The following SLCO3A1 variants were observed in gnomAD, a reference collection of about 807,000 sequenced individuals.
The protein encoded by SLCO3A1 is solute carrier organic anion transporter family member 3A1.
Under a neutral mutation model 63.1 loss-of-function variants are expected in SLCO3A1, and 27 were observed. The observed-to-expected ratio is 0.43, with a 90% CI of 0.32 to 0.59. The LOEUF (loss-of-function observed/expected upper bound fraction) is 0.59, where lower values mean the gene tolerates loss of function less well. Among genes scored for constraint, SLCO3A1 ranks in the 20% least tolerant of loss-of-function variants. SLCO3A1 has a pLI of 0.09. For synonymous variants in SLCO3A1, 473 were observed against 409.9 expected, an observed-to-expected ratio of 1.15 and a Z score of -1.86; for missense variants, 773 against 945.8, an observed-to-expected ratio of 0.82 and a Z score of 2.40.
intron 1 of SLCO3A1, among the ~76,000 whole-genome samples, chr15:91,913,905 C>T (rs1443509406): frequency 6.6e-6 from 1 of 152,218 alleles, no homozygotes; most frequent in East Asian, 1.9e-4. Flanking sequence ...AGTGTGTTGA[C>T]GTGGCCTTTT....
chr15:91,976,950 C>T (rs113509639), intron 2 of SLCO3A1, among the ~76,000 whole-genome samples: 10,969 of 152,164 alleles, frequency 0.072, 1,038 homozygotes, highest in African/African-American at 0.22. Context: ...TCAGGCACCA[C>T]TGTCATTGAG....
At chr15:91,914,196 C>T (rs954107338) in intron 1 of SLCO3A1, among the ~76,000 whole-genome samples, 63 of 152,204 alleles carry the variant, frequency 4.1e-4, no homozygotes, top group African/African-American at 1.5e-3. Flanking sequence ...CAGCCAGAGT[C>T]AGGATGGACC....
chr15:91,999,692 C>T (rs769527702), intron 2 of SLCO3A1, among the ~76,000 whole-genome samples: 7 of 152,050 alleles, frequency 4.6e-5, no homozygotes, highest in Non-Finnish European at 1.0e-4. Flanking sequence ...CTCGGGAGGC[C>T]GAGGCAGGAG....
chr15:91,880,170 C>CATCTATCTATCTATCTATCT lies in SLCO3A1; in HGVS notation c.180+26090_180+26109dup, dbSNP rs57860021. Among the ~76,000 whole-genome samples, 846 of 126,138 alleles carry CATCTATCTATCTATCTATCT rather than the reference C, an allele frequency of 6.7e-3. 20 individuals are homozygous for CATCTATCTATCTATCTATCT. The highest frequency in any genetic ancestry group is 0.037 in the Admixed American group (447 of 12,078). 82.8% of individuals were successfully genotyped at this position (126,138 alleles called of 152,430 possible). A position where few individuals can be genotyped will look rare whatever the true frequency, so the allele number is the denominator to read the frequency against. On this transcript the variant is annotated intron_variant, in intron 1 of 9. Transcript: ENST00000318445. ...CCATCCATCCATCCATCCATCCATC[C>CATCTATCTATCTATCTATCT]ATCTATCTATCTATCTATCTATCTA...
intron 2 of SLCO3A1, among the ~76,000 whole-genome samples, chr15:92,055,758 G>A (rs761465296): frequency 1.1e-4 from 17 of 152,052 alleles, no homozygotes; most frequent in Non-Finnish European, 1.9e-4. Flanking sequence ...CCAGCATCCC[G>A]CCATCTTGAA....
At chr15:91,943,669 C>T (rs1005186145) in intron 2 of SLCO3A1, among the ~76,000 whole-genome samples, 2 of 152,172 alleles carry the variant, frequency 1.3e-5, no homozygotes, top group Admixed American at 6.5e-5. Flanking sequence ...TACTGTTTTT[C>T]ATACCCAGTG....
intron 2 of SLCO3A1, among the ~76,000 whole-genome samples, chr15:91,971,166 C>T (rs1191484534): frequency 1.3e-5 from 2 of 151,852 alleles, no homozygotes; most frequent in African/African-American, 4.8e-5. Context: ...GAGGCCGAGG[C>T]GGGCGGATCA....
At chr15:92,034,063 A>G (rs1463473054) in intron 2 of SLCO3A1, among the ~76,000 whole-genome samples, 1 of 151,818 alleles carries the variant, frequency 6.6e-6, no homozygotes, top group Admixed American at 6.6e-5. Context: ...AAGCCATTGC[A>G]GGGTGCTGAG....
chr15:92,013,323 G>T (rs1220509102), intron 2 of SLCO3A1, among the ~76,000 whole-genome samples: 1 of 152,226 alleles, frequency 6.6e-6, no homozygotes, highest in Non-Finnish European at 1.5e-5. Flanking sequence ...GTTGAGGCTT[G>T]GTTTGAGTCA....
rs1018798339 is a variant in SLCO3A1 at position 92,164,344 on chromosome 15, T to C, written c.*1209T>C. On this transcript the variant is annotated 3_prime_UTR_variant, in exon 10 of 10. Transcript: ENST00000318445. ...AAAAATGCTTCAAAAAGAGAGTGTA[T>C]ATGCAGCCTGCCTTTAAAAGAATCA... 1.0e-6 allele frequency: 1 copy of C among 985,224 alleles called. No homozygotes were observed. The highest frequency in any genetic ancestry group is 1.7e-5 in the African/African-American group (1 of 57,246). The allele number at this position is 985,224 out of a possible 1,614,324, so 61.0% of individuals were successfully genotyped here.
chr15:92,067,341 C>T (rs927734639), intron 2 of SLCO3A1, among the ~76,000 whole-genome samples: 1 of 152,240 alleles, frequency 6.6e-6, no homozygotes, highest in Non-Finnish European at 1.5e-5. Context: ...TTTCTTCAGC[C>T]TGGGCTGCCT....
chr15:92,142,087 A>G (rs1035754242), intron 7 of SLCO3A1, among the ~76,000 whole-genome samples: 3 of 152,236 alleles, frequency 2.0e-5, no homozygotes, highest in Non-Finnish European at 4.4e-5. Context: ...ATCTGAATAA[A>G]TAAATACAGA....
chr15:92,035,397 C>G (rs1045715746), intron 2 of SLCO3A1, among the ~76,000 whole-genome samples: 1 of 151,758 alleles, frequency 6.6e-6, no homozygotes, highest in African/African-American at 2.4e-5. Flanking sequence ...GATACAGAAA[C>G]CCAGATCTGT....
intron 7 of SLCO3A1, among the ~76,000 whole-genome samples, chr15:92,140,797 G>A (rs2048121883): frequency 6.6e-6 from 1 of 152,142 alleles, no homozygotes; most frequent in South Asian, 2.1e-4. Flanking sequence ...GACTAAGATT[G>A]CAACCTCTGC....
At chr15:92,026,297 A>G (rs1776414366) in intron 2 of SLCO3A1, among the ~76,000 whole-genome samples, 1 of 152,208 alleles carries the variant, frequency 6.6e-6, no homozygotes, top group African/African-American at 2.4e-5. Flanking sequence ...AAGTGAAGGA[A>G]AGAATGGAGA....
At chr15:91,903,429 G>A (rs1163289106) in intron 1 of SLCO3A1, among the ~76,000 whole-genome samples, 2 of 152,252 alleles carry the variant, frequency 1.3e-5, no homozygotes, top group South Asian at 2.1e-4. Context: ...CTCTTGTTTC[G>A]GGCACTTCAG....
At chr15:92,141,460 A>G (rs888847722) in intron 7 of SLCO3A1, among the ~76,000 whole-genome samples, 7 of 152,178 alleles carry the variant, frequency 4.6e-5, no homozygotes, top group East Asian at 1.9e-4. Flanking sequence ...GAACTATGCT[A>G]TTGGGGTTTG....
At chr15:91,909,477 G>GA (rs1898415166) in intron 1 of SLCO3A1, among the ~76,000 whole-genome samples, 1 of 152,134 alleles carries the variant, frequency 6.6e-6, no homozygotes, top group Non-Finnish European at 1.5e-5. Flanking sequence ...CCCCTGTTGG[G>GA]AAAACCACAG....
At chr15:91,931,663 GT>G (rs978375892) in intron 2 of SLCO3A1, among the ~76,000 whole-genome samples, 2 of 151,954 alleles carry the variant, frequency 1.3e-5, no homozygotes, top group Non-Finnish European at 2.9e-5. Context: ...TAGAGATGGG[GT>G]TTCACCATAT....
Sources: gnomAD v4.1 joint callset for allele counts (sites outside exome capture counted in the v4.1 genomes callset) on GRCh38, gnomAD v4.1.1 for gene constraint, MANE v1.5 for transcripts, NCBI Gene and HGNC (gene_info 2026-07-23, HGNC 2026-07-21) for gene names.